Variants in ERBB4 observed in about 807,000 individuals in gnomAD.
ERBB4 encodes the protein erb-b2 receptor tyrosine kinase 4.
Under a neutral mutation model 158.0 loss-of-function variants are expected in ERBB4, and 42 were observed. That is an observed-to-expected ratio of 0.27 (90% CI 0.21 to 0.34). The LOEUF is 0.34. Among genes scored for constraint, ERBB4 ranks in the 10% least tolerant of loss-of-function variants. ERBB4 has a pLI of 1.00. For missense variants in ERBB4, 1,333 were observed against 1,624.1 expected (o/e 0.82, Z 3.08); for synonymous variants, 583 against 558.7 (o/e 1.04, Z -0.61).
intron 1 of ERBB4, among the ~76,000 whole-genome samples, chr2:212,467,574 G>A (rs1205953604): frequency 1.3e-5 from 2 of 152,212 alleles, no homozygotes; most frequent in African/African-American, 4.8e-5. Flanking sequence ...CAAGAATTGA[G>A]ATTGGGGAAC....
chr2:211,835,186 A>G (rs1264773555), intron 3 of ERBB4, among the ~76,000 whole-genome samples: 2 of 152,158 alleles, frequency 1.3e-5, no homozygotes, highest in Non-Finnish European at 2.9e-5. Flanking sequence ...TTCATTAACC[A>G]TCTCTGCTCA....
intron 20 of ERBB4, among the ~76,000 whole-genome samples, chr2:211,470,162 T>C (rs1481508481): frequency 6.6e-6 from 1 of 152,134 alleles, no homozygotes; most frequent in African/African-American, 2.4e-5. Flanking sequence ...AAAGTTCATA[T>C]TTAAATGGAA....
In ERBB4 at chr2:211,889,168, A is replaced by G. The variant is rs2078893963; in HGVS notation, c.421+58262T>C. Among the ~76,000 whole-genome samples the G allele has an allele frequency of 1.4e-5, 2 of 143,562 alleles. 1 individual carries two copies. Among genetic ancestry groups the G allele is most frequent in the Admixed American group, 1.3e-4 (2 of 14,850 alleles). The allele number at this position is 143,562 out of a possible 152,430, so 94.2% of individuals were successfully genotyped here. On this transcript the variant is annotated intron_variant, in intron 3 of 27. Coordinates refer to ENST00000342788, the MANE Select transcript of ERBB4 (RefSeq NM_005235.3). ...GTCCCTGTCTGACAGCTTTGAAGAG[A>G]GCAGTGGTTCTCCCAGCACGCAGCT...
At chr2:212,330,420 A>G (rs911029100) in intron 1 of ERBB4, among the ~76,000 whole-genome samples, 17 of 151,920 alleles carry the variant, frequency 1.1e-4, no homozygotes, top group Admixed American at 1.0e-3. Flanking sequence ...GAAGCTGGAA[A>G]CCAGCCTGGG....
chr2:212,330,493 T>A (rs1219806456), intron 1 of ERBB4, among the ~76,000 whole-genome samples: 1 of 151,808 alleles, frequency 6.6e-6, no homozygotes, highest in Non-Finnish European at 1.5e-5. Context: ...GGCGGGTGCT[T>A]GTAGTACCAG....
At chr2:211,613,496 A>G (rs72943053) in intron 19 of ERBB4, among the ~76,000 whole-genome samples, 2 of 151,366 alleles carry the variant, frequency 1.3e-5, no homozygotes, top group South Asian at 2.1e-4. Context: ...AATGGGAGAA[A>G]ATATTTGCAA....
intron 1 of ERBB4, among the ~76,000 whole-genome samples, chr2:212,269,383 G>A (rs1473039791): frequency 2.0e-5 from 3 of 151,742 alleles, no homozygotes; most frequent in Non-Finnish European, 4.4e-5. Flanking sequence ...TACAAAATCA[G>A]GATGCAGCTC....
chr2:211,387,814 C>T (rs148391822), intron 26 of ERBB4, 131 bp downstream of exon 26: 198 of 764,836 alleles, frequency 2.6e-4, no homozygotes, highest in South Asian at 5.2e-4. Flanking sequence ...GGCAGCTACA[C>T]GATGTACACC....
At chr2:211,712,357 C>T (rs1244913012) in intron 8 of ERBB4, among the ~76,000 whole-genome samples, 181 bp from the exon 9 acceptor site, 1 of 152,066 alleles carries the variant, frequency 6.6e-6, no homozygotes, top group Non-Finnish European at 1.5e-5. Flanking sequence ...ACTGGTTCTG[C>T]TTTAAAAACT....
intron 4 of ERBB4, among the ~76,000 whole-genome samples, chr2:211,755,149 C>T (rs1178981386): frequency 6.6e-6 from 1 of 152,040 alleles, no homozygotes; most frequent in Non-Finnish European, 1.5e-5. Context: ...AAATAAGAAA[C>T]AAACCAACAT....
intron 1 of ERBB4, among the ~76,000 whole-genome samples, chr2:212,307,756 G>A (rs940540038): frequency 1.3e-5 from 2 of 151,140 alleles, no homozygotes; most frequent in African/African-American, 4.8e-5. Context: ...GAGATTTCAT[G>A]TAGTTGCTTT....
At chr2:212,392,327 G>T (rs1299307741) in intron 1 of ERBB4, among the ~76,000 whole-genome samples, 1 of 151,890 alleles carries the variant, frequency 6.6e-6, no homozygotes, top group Non-Finnish European at 1.5e-5. Context: ...TTAAAAAAAT[G>T]AGTCAGGAAA....
intron 20 of ERBB4, among the ~76,000 whole-genome samples, chr2:211,546,954 A>C (rs545549396): frequency 3.9e-4 from 60 of 152,168 alleles, no homozygotes; most frequent in African/African-American, 1.3e-3. Context: ...TGCGGTTGTA[A>C]AGGGATGGGA....
intron 1 of ERBB4, among the ~76,000 whole-genome samples, chr2:212,533,933 C>CA (rs1440185371): frequency 3.3e-5 from 5 of 152,090 alleles, no homozygotes; most frequent in African/African-American, 1.2e-4. Flanking sequence ...AATTTCAGTA[C>CA]AAATATTAGC....
rs1689756854 is a variant in ERBB4 at position 212,482,560 on chromosome 2, A to C, written c.82+55889T>G. 3.9e-5 allele frequency among the ~76,000 whole-genome samples: 6 copies of C among 152,166 alleles called. No individual in the cohort carries two copies. In the South Asian group the frequency reaches 1.2e-3, roughly 32 times the overall value. On this transcript the variant is annotated intron_variant, in intron 1 of 27. Coordinates refer to ENST00000342788, the MANE Select transcript of ERBB4 (RefSeq NM_005235.3). ...ATGCAAGGTAAATAAACCTTAGGAG[A>C]AATTTAACAAGATACTTGTAGTTAG...
intron 1 of ERBB4, among the ~76,000 whole-genome samples, chr2:212,336,631 T>C (rs2088454091): frequency 6.6e-6 from 1 of 152,094 alleles, no homozygotes; most frequent in Non-Finnish European, 1.5e-5. Flanking sequence ...GACACCACAC[T>C]GCACTGAACT....
At chr2:212,395,985 C>T (rs1397352817) in intron 1 of ERBB4, among the ~76,000 whole-genome samples, 5 of 152,018 alleles carry the variant, frequency 3.3e-5, no homozygotes, top group Admixed American at 6.6e-5. Context: ...AGAGATACTA[C>T]GAGAGTCTTA....
intron 3 of ERBB4, among the ~76,000 whole-genome samples, chr2:211,858,579 T>C (rs1046483071): frequency 1.2e-4 from 15 of 126,384 alleles, no homozygotes; most frequent in Admixed American, 2.5e-4. Context: ...AAATCATGGC[T>C]CACAAAAAGC....
intron 2 of ERBB4, among the ~76,000 whole-genome samples, chr2:212,091,242 G>T (rs923828522): frequency 1.3e-5 from 2 of 151,402 alleles, no homozygotes; most frequent in African/African-American, 4.8e-5. Context: ...AAGGTCAATT[G>T]ATGTGGCAGG....
Sources: allele counts gnomAD v4.1 joint callset (sites outside exome capture counted in the v4.1 genomes callset), GRCh38; gene constraint gnomAD v4.1.1; transcripts MANE v1.5; gene names NCBI Gene and HGNC (gene_info 2026-07-23, HGNC 2026-07-21).